The following SH3RF1 variants were observed in gnomAD, a reference collection of about 807,000 sequenced individuals.
SH3RF1 encodes E3 ubiquitin-protein ligase SH3RF1.
In SH3RF1, 32 loss-of-function variants were observed where a neutral mutation model predicts 74.0. That is an observed-to-expected ratio of 0.43 (90% confidence interval 0.33 to 0.58). SH3RF1 has a LOEUF of 0.58. Ranked by LOEUF, SH3RF1 falls within the 20% of genes least tolerant of loss-of-function variation. SH3RF1 has a pLI of 0.05. For missense variants in SH3RF1, 954 were observed against 1,130.9 expected (o/e 0.84, Z 2.24); for synonymous variants, 396 against 439.6 (o/e 0.90, Z 1.24).
At chr4:169,113,675 T>C (rs1326252280) in intron 10 of SH3RF1, among the ~76,000 whole-genome samples, 1 of 152,142 alleles carries the variant, frequency 6.6e-6, no homozygotes, top group African/African-American at 2.4e-5. Context: ...GAGAAATGTA[T>C]ACTAAAGACA....
intron 2 of SH3RF1, among the ~76,000 whole-genome samples, chr4:169,262,747 T>C (rs1257165221): frequency 6.6e-6 from 1 of 152,196 alleles, no homozygotes; most frequent in Non-Finnish European, 1.5e-5. Context: ...TACATGACAC[T>C]TTATGTGATA....
intron 2 of SH3RF1, among the ~76,000 whole-genome samples, chr4:169,208,620 C>T (rs936115744): frequency 6.6e-6 from 1 of 152,000 alleles, no homozygotes; most frequent in Admixed American, 6.6e-5. Context: ...GTCTTAGTGC[C>T]CCAAGGAGAA....
At chr4:169,246,749 C>T (rs1346094894) in intron 2 of SH3RF1, among the ~76,000 whole-genome samples, 1 of 152,244 alleles carries the variant, frequency 6.6e-6, no homozygotes, top group African/African-American at 2.4e-5. Context: ...AAGAAAGACA[C>T]AAACTTACAT....
chr4:169,196,830 A>G (rs1446718237), intron 2 of SH3RF1, among the ~76,000 whole-genome samples: 1 of 152,148 alleles, frequency 6.6e-6, no homozygotes, highest in Non-Finnish European at 1.5e-5. Context: ...ATATCACCTT[A>G]AACCCTATAA....
At chr4:169,110,999 T>C (rs191081189) in intron 10 of SH3RF1, among the ~76,000 whole-genome samples, 1 of 152,120 alleles carries the variant, frequency 6.6e-6, no homozygotes, top group East Asian at 1.9e-4. Flanking sequence ...AATTACACAA[T>C]TGTACTAATC....
chr4:169,099,577 G>C (rs1245247817), intron 11 of SH3RF1, among the ~76,000 whole-genome samples: 1 of 152,134 alleles, frequency 6.6e-6, no homozygotes. Context: ...AAATGTACAA[G>C]TGACTCAAAA....
chr4:169,192,863 G>GATATGTTTCTTTT (rs1734749123), intron 2 of SH3RF1, among the ~76,000 whole-genome samples: 1 of 145,196 alleles, frequency 6.9e-6, no homozygotes, highest in East Asian at 2.0e-4. Flanking sequence ...ATATAGATGT[G>GATATGTTTCTTTT]ATATATATAT....
chr4:169,269,385 CA>C, intron 1 of SH3RF1, 78 bp from the exon 2 acceptor site: 1 of 650,038 alleles, frequency 1.5e-6, no homozygotes, highest in Admixed American at 3.4e-5. Flanking sequence ...AGCCAAGAAT[CA>C]AAAAGTACCC....
At chr4:169,192,874 CA>C (rs1397510442) in intron 2 of SH3RF1, among the ~76,000 whole-genome samples, 2 of 143,650 alleles carry the variant, frequency 1.4e-5, no homozygotes, top group African/African-American at 5.1e-5. Context: ...ATATATATAT[CA>C]TATATATGTG....
At chr4:169,179,540 T>C (rs1443641766) in intron 2 of SH3RF1, among the ~76,000 whole-genome samples, 2 of 152,162 alleles carry the variant, frequency 1.3e-5, no homozygotes, top group South Asian at 4.1e-4. Flanking sequence ...ATACCAGACA[T>C]AGTAACCAAT....
At chr4:169,191,990 A>T (rs1246788030) in intron 2 of SH3RF1, among the ~76,000 whole-genome samples, 1 of 152,200 alleles carries the variant, frequency 6.6e-6, no homozygotes, top group Non-Finnish European at 1.5e-5. Flanking sequence ...TTAGGCAAGG[A>T]TTTCATGACC....
At position 169,168,582 on chromosome 4, in the gene SH3RF1, G is replaced by T. The variant is rs151304684; in HGVS notation, c.394-11903C>A. Among the ~76,000 whole-genome samples, 742 of 152,278 alleles carry T rather than the reference G, an allele frequency of 4.9e-3. 9 individuals are homozygous for T. The highest frequency in any genetic ancestry group is 0.017 in the African/African-American group (708 of 41,554). On this transcript the variant is annotated intron_variant, in intron 2 of 11. Transcript: ENST00000284637. The stretch of plus-strand genomic sequence containing the variant: ...AGAGTAAGTCTGATTGGAACTCGCT[G>T]AATAAAAAAATACAGGCTTAAACTC...
chr4:169,173,720 G>A (rs973443313), intron 2 of SH3RF1, among the ~76,000 whole-genome samples: 2 of 152,084 alleles, frequency 1.3e-5, no homozygotes, highest in African/African-American at 4.8e-5. Context: ...TGTGAAATAT[G>A]TGGAAACCAC....
rs375557542 is a variant in SH3RF1 at position 169,198,675 on chromosome 4, T to G, written c.394-41996A>C. ...TAAGTATATTAAGCAAAACGATTAC[T>G]AAAGAGAATAAATAAAAAGAAATTA... On this transcript the variant is annotated intron_variant, in intron 2 of 11. Transcript: ENST00000284637. Among the ~76,000 whole-genome samples, 417 of 152,116 alleles carry G rather than the reference T, an allele frequency of 2.7e-3. 2 individuals carry two copies. The highest frequency in any genetic ancestry group is 9.5e-3 in the African/African-American group (395 of 41,512).
At chr4:169,145,541 C>T (rs936689840) in intron 4 of SH3RF1, among the ~76,000 whole-genome samples, 1 of 140,990 alleles carries the variant, frequency 7.1e-6, no homozygotes, top group African/African-American at 2.7e-5. Context: ...TAAACCAGCA[C>T]ATGTACCCCC....
At chr4:169,132,310 A>C (rs1001705886) in intron 5 of SH3RF1, among the ~76,000 whole-genome samples, 4 of 152,226 alleles carry the variant, frequency 2.6e-5, no homozygotes, top group Admixed American at 1.3e-4. Context: ...CAGAATAATT[A>C]GCTGTTAATG....
intron 2 of SH3RF1, among the ~76,000 whole-genome samples, chr4:169,262,388 TGG>T (rs1428289887): frequency 2.6e-5 from 4 of 152,184 alleles, no homozygotes; most frequent in Admixed American, 2.0e-4. Context: ...ACACTTAGGC[TGG>T]GTGCCGCAGC....
chr4:169,142,046 CT>C (rs1246981152), intron 4 of SH3RF1, among the ~76,000 whole-genome samples: 1 of 152,058 alleles, frequency 6.6e-6, no homozygotes, highest in Non-Finnish European at 1.5e-5. Flanking sequence ...TCTCAATCTC[CT>C]GAGCTTGTGA....
At chr4:169,247,862 C>A (rs1414744835) in intron 2 of SH3RF1, among the ~76,000 whole-genome samples, 2 of 114,466 alleles carry the variant, frequency 1.7e-5, no homozygotes, top group African/African-American at 6.4e-5. Flanking sequence ...CAAAAGAAGA[C>A]ATTTATGCAG....
Sources: allele counts gnomAD v4.1 joint callset (sites outside exome capture counted in the v4.1 genomes callset), GRCh38; gene constraint gnomAD v4.1.1; transcripts MANE v1.5; gene names NCBI Gene and HGNC (gene_info 2026-07-23, HGNC 2026-07-21).